BIN3: variants seen among roughly 807,000 people sequenced by gnomAD.
BIN3 encodes bridging integrator 3.
BIN3 carries 41 observed loss-of-function variants against 38.2 expected under a neutral mutation model. That is an observed-to-expected ratio of 1.07 (90% CI 0.84 to 1.39). BIN3 has a LOEUF of 1.39. BIN3 is among the 40% of genes most tolerant of loss of function. The probability of loss-of-function intolerance (pLI) is 0.00; values close to 1 mark genes in which losing one functional copy is unlikely to be tolerated. For missense variants in BIN3, 361 were observed against 324.3 expected, an observed-to-expected ratio of 1.11 and a Z score of -0.87; for synonymous variants, 145 against 122.6, an observed-to-expected ratio of 1.18 and a Z score of -1.21.
chr8:22,649,812 A>AAC (rs571224082), intron 1 of BIN3, among the ~76,000 whole-genome samples: 1,396 of 89,228 alleles, frequency 0.016, 19 homozygotes, highest in South Asian at 0.029. Flanking sequence ...CGCAAAGGAC[A>AAC]ACACACACAC....
At chr8:22,635,126 C>T (rs1426946590) in intron 4 of BIN3, among the ~76,000 whole-genome samples, 1 of 152,204 alleles carries the variant, frequency 6.6e-6, no homozygotes, top group African/African-American at 2.4e-5. Flanking sequence ...GTTTCAGGCC[C>T]TCTTCCCTTG....
intron 6 of BIN3, among the ~76,000 whole-genome samples, chr8:22,626,708 C>G (rs550195177): frequency 1.3e-5 from 2 of 152,292 alleles, no homozygotes; most frequent in Admixed American, 1.3e-4. Flanking sequence ...AGCTCACATC[C>G]TCAGGAAGGA....
intron 4 of BIN3, among the ~76,000 whole-genome samples, chr8:22,635,605 G>A (rs992327108): frequency 3.9e-5 from 6 of 151,970 alleles, no homozygotes; most frequent in Non-Finnish European, 5.9e-5. Context: ...TGTTCTCAGT[G>A]CTTTACGTTG....
chr8:22,634,547 T>C (rs1802307641), intron 4 of BIN3: 1 of 450,822 alleles, frequency 2.2e-6, no homozygotes, highest in African/African-American at 2.1e-5. Context: ...TGGGAACAAA[T>C]TCAAATCACT....
chr8:22,632,560 C>T (rs1802240347), intron 4 of BIN3, among the ~76,000 whole-genome samples: 1 of 152,152 alleles, frequency 6.6e-6, no homozygotes, highest in Admixed American at 6.5e-5. Flanking sequence ...ATGAAATGAT[C>T]ACATACAGCA....
chr8:22,630,604 C>A (rs369708307), intron 4 of BIN3, 26 bp from the exon 5 acceptor site: 1 of 1,612,904 alleles, frequency 6.2e-7, no homozygotes, highest in Non-Finnish European at 8.5e-7. Context: ...GCTCGGTGAA[C>A]CTTCTATGAA....
intron 1 of BIN3, among the ~76,000 whole-genome samples, chr8:22,654,566 T>G (rs189332949): frequency 6.6e-6 from 1 of 152,332 alleles, no homozygotes; most frequent in East Asian, 1.9e-4. Flanking sequence ...TGCACAGAAG[T>G]AGAATTATAT....
intron 1 of BIN3, among the ~76,000 whole-genome samples, chr8:22,646,318 C>T (rs891291420): frequency 6.6e-6 from 1 of 152,172 alleles, no homozygotes; most frequent in African/African-American, 2.4e-5. Context: ...GCTCATCCCT[C>T]TCCTTTTGGC....
chr8:22,625,730 G>A lies in BIN3; in HGVS notation c.339-1367C>T, dbSNP rs1405618693. 1.5e-5 allele frequency: 4 copies of A among 266,328 alleles called. No individual in the cohort carries two copies. The South Asian group carries it at 2.5e-4, about 16-fold the overall frequency. The allele number at this position is 266,328 out of a possible 1,614,324, so 16.5% of individuals were successfully genotyped here. ...AGCCTCCCGAAGAGCTAGGATTACA[G>A]ACGTGTGCCACTACGCCCAGCTAAT... On this transcript the variant is annotated intron_variant, in intron 6 of 8. Coordinates refer to ENST00000276416, the MANE Select transcript of BIN3 (RefSeq NM_018688.6).
chr8:22,661,352 CTTTTTTTTTTTT>C (rs751194383), intron 1 of BIN3, among the ~76,000 whole-genome samples: 6 of 84,448 alleles, frequency 7.1e-5, no homozygotes, highest in Non-Finnish European at 1.2e-4. Context: ...ATGTATCATT[CTTTTTTTTTTTT>C]TTTTTTTTTT....
At position 22,629,969 on chromosome 8, in the gene BIN3, T is replaced by G. The variant is rs761480125; in HGVS notation, c.333A>C (p.Leu111Phe). ...CCCAGGTGACATTTACTCACTTTTT[T>G]AAGGGCTCGATCACAGTCTTCTGGA... is the stretch of plus-strand genomic sequence containing the variant. ...NQIQKTVIEP[L>F]KKFGSVFPSL... Residue 111 changes from leucine to phenylalanine, a missense_variant, in exon 6 of 9, where the codon TTA becomes TTC. By Grantham distance (22) the Leu-to-Phe change is conservative. Transcript: ENST00000276416. The G allele has an allele frequency of 6.2e-7, 1 of 1,608,602 alleles. No homozygotes were observed. The highest frequency in any genetic ancestry group is 1.1e-5 in the South Asian group (1 of 89,898).
intron 1 of BIN3, among the ~76,000 whole-genome samples, chr8:22,650,135 T>C (rs1802845349): frequency 6.6e-6 from 1 of 152,184 alleles, no homozygotes; most frequent in Non-Finnish European, 1.5e-5. Flanking sequence ...AAATTTTTCT[T>C]CTATTATGAA....
In BIN3 at chr8:22,640,970, C is replaced by T. The variant is rs142617327; in HGVS notation, c.57+3785G>A. ...TTTCACCTCCCCTGCTTCCAGCGGC[C>T]GGGGTGGGTTGCTTCTCTAGCTCAC... On this transcript the variant is annotated intron_variant, in intron 2 of 8. Coordinates refer to ENST00000276416, the MANE Select transcript of BIN3 (RefSeq NM_018688.6). Among the ~76,000 whole-genome samples the T allele has an allele frequency of 1.5e-3, 233 of 152,194 alleles. 1 individual carries two copies. Among genetic ancestry groups the T allele is most frequent in the South Asian group, 6.0e-3 (29 of 4,820 alleles).
At chr8:22,662,362 G>C (rs923943201) in intron 1 of BIN3, among the ~76,000 whole-genome samples, 1 of 152,192 alleles carries the variant, frequency 6.6e-6, no homozygotes, top group South Asian at 2.1e-4. Context: ...CCAGTCTGAT[G>C]GCTGTGAAAC....
At chr8:22,655,595 G>T (rs538218336) in intron 1 of BIN3, among the ~76,000 whole-genome samples, 3 of 152,230 alleles carry the variant, frequency 2.0e-5, no homozygotes, top group African/African-American at 7.2e-5. Context: ...ATATGTAAGG[G>T]TTTATTTCAA....
At chr8:22,647,075 A>G (rs1259930964) in intron 1 of BIN3, among the ~76,000 whole-genome samples, 3 of 152,182 alleles carry the variant, frequency 2.0e-5, no homozygotes, top group Non-Finnish European at 4.4e-5. Context: ...ATCTCTCTGG[A>G]GCCCAGTTTC....
intron 5 of BIN3, 86 bp downstream of exon 5, chr8:22,630,356 C>T (rs1802151949): frequency 9.7e-6 from 15 of 1,540,194 alleles, no homozygotes; most frequent in Non-Finnish European, 1.3e-5. Context: ...CAGAGGGAGC[C>T]CACTCGGGCC....
At chr8:22,624,620 C>T (rs1801951479) in intron 6 of BIN3, 1 of 470,556 alleles carries the variant, frequency 2.1e-6, no homozygotes, top group Non-Finnish European at 3.8e-6. Context: ...TGGACAATGT[C>T]ATGGGGTGAG....
chr8:22,640,931 G>C (rs1054363720), intron 2 of BIN3, among the ~76,000 whole-genome samples: 2 of 152,176 alleles, frequency 1.3e-5, no homozygotes, highest in African/African-American at 4.8e-5. Context: ...CAGCCTGAGA[G>C]GAGTTTGGAC....
Sources: gnomAD v4.1 joint callset for allele counts (sites outside exome capture counted in the v4.1 genomes callset) on GRCh38, gnomAD v4.1.1 for gene constraint, MANE v1.5 for transcripts, NCBI Gene and HGNC (gene_info 2026-07-23, HGNC 2026-07-21) for gene names.